The following CSMD1 variants were observed in gnomAD, a reference collection of about 807,000 sequenced individuals.
CSMD1 encodes the protein CUB and Sushi multiple domains 1.
A neutral mutation model predicts 417.5 loss-of-function variants in CSMD1; 213 were observed. The ratio of observed to expected loss-of-function variants is 0.51; its 90% CI spans 0.46 to 0.57. The LOEUF is 0.57. Among genes scored for constraint, CSMD1 ranks in the 20% least tolerant of loss-of-function variants. CSMD1 has a pLI of 0.00. For missense variants in CSMD1, 6,923 were observed against 4,529.7 expected (o/e 1.53, Z -15.17); for synonymous variants, 2,862 against 1,736.8 (o/e 1.65, Z -16.11).
At chr8:3,426,462 G>C (rs1485393541) in intron 12 of CSMD1, among the ~76,000 whole-genome samples, 1 of 152,052 alleles carries the variant, frequency 6.6e-6, no homozygotes, top group East Asian at 1.9e-4. Context: ...ATCAATTAAT[G>C]GAAAAGGAAG....
chr8:3,148,328 A>C (rs73183551), intron 40 of CSMD1, among the ~76,000 whole-genome samples: 10,316 of 152,304 alleles, frequency 0.068, 471 homozygotes, highest in Non-Finnish European at 0.093. Flanking sequence ...GTGTGATCTG[A>C]TATTTTCTTA....
intron 3 of CSMD1, among the ~76,000 whole-genome samples, chr8:4,048,526 C>A (rs559884527): frequency 6.6e-6 from 1 of 152,268 alleles, no homozygotes; most frequent in South Asian, 2.1e-4. Context: ...GAACATCCCT[C>A]AGGTTTATAA....
chr8:3,485,556 G>C (rs1346480513), intron 11 of CSMD1, among the ~76,000 whole-genome samples: 1 of 151,022 alleles, frequency 6.6e-6, no homozygotes, highest in South Asian at 2.1e-4. Flanking sequence ...GAGAGAGAGA[G>C]AGAGAGAGGG....
intron 5 of CSMD1, among the ~76,000 whole-genome samples, chr8:3,890,538 C>A (rs942310314): frequency 4.6e-5 from 7 of 151,970 alleles, no homozygotes; most frequent in African/African-American, 1.7e-4. Flanking sequence ...CAAAATAACT[C>A]TATCTCTCAA....
At chr8:3,767,565 G>C (rs538289333) in intron 5 of CSMD1, among the ~76,000 whole-genome samples, 2 of 152,280 alleles carry the variant, frequency 1.3e-5, no homozygotes, top group Non-Finnish European at 2.9e-5. Flanking sequence ...GCTGATTGCT[G>C]ACCTTATCCA....
At position 3,223,802 on chromosome 8, in the gene CSMD1, A is replaced by G. The variant is rs1798341779; in HGVS notation, c.4411T>C (p.Tyr1471His). 1 of 1,613,816 alleles carries G rather than the reference A, an allele frequency of 6.2e-7. No individual in the cohort carries two copies. The highest frequency in any genetic ancestry group is 1.7e-5 in the Admixed American group (1 of 59,986). Residue 1471 changes from tyrosine (Y) to histidine (H), a missense_variant, in exon 28 of 70, where the codon TAT (tyrosine) becomes CAT (histidine). Transcript: ENST00000635120. ...VILSPNYPQP[Y>H]PPGKECDWRV... ...CAGTCACATTCCTTCCCAGGAGGAT[A>G]CGGCTGTGGGTAGTTGGGTGACAAA... is the stretch of plus-strand genomic sequence containing the variant.
Position 3,188,066 on chromosome 8 carries a change from ATATATATATACATATGTATATG to A in CSMD1, c.5524-123_5524-102del, listed in dbSNP as rs1398078970. On this transcript the variant is annotated intron_variant, in intron 35 of 69. Transcript: ENST00000635120. ...TTTTTCATGATTAAGGTGTATATGTATATATATATACATATGTATATGTATATATATATACATATACACCTTA... is the reference window on the plus strand; with the variant it reads ...TTTTTCATGATTAAGGTGTATATGTATATATATATATACATATACACCTTA... 169 of 465,686 alleles carry A rather than the reference ATATATATATACATATGTATATG, an allele frequency of 3.6e-4. 1 individual carries two copies. Among genetic ancestry groups the A allele is most frequent in the African/African-American group, 3.4e-3 (155 of 44,946 alleles). The allele number at this position is 465,686 out of a possible 1,614,324, so 28.8% of individuals were successfully genotyped here.
chr8:4,687,032 T>C (rs891673172), intron 1 of CSMD1, among the ~76,000 whole-genome samples: 2 of 152,150 alleles, frequency 1.3e-5, no homozygotes, highest in African/African-American at 2.4e-5. Context: ...GCGAACTCCA[T>C]GCACCCATGG....
In CSMD1 at chr8:4,018,455, C is replaced by T. The variant is rs545295271; in HGVS notation, c.610+13450G>A. 2.6e-5 allele frequency among the ~76,000 whole-genome samples: 4 copies of T among 152,264 alleles called. No homozygotes were observed. The South Asian group carries it at 8.3e-4, about 32-fold the overall frequency. On this transcript the variant is annotated intron_variant, in intron 4 of 69. Transcript: ENST00000635120. ...CTCTGAGTAGCTGCAGGTCTGTCAACACAGCTGTACCTACTTTGCACAAGG... is the reference window on the plus strand; with the variant it reads ...CTCTGAGTAGCTGCAGGTCTGTCAATACAGCTGTACCTACTTTGCACAAGG...
intron 3 of CSMD1, among the ~76,000 whole-genome samples, chr8:4,337,659 T>A (rs1800248019): frequency 6.6e-6 from 1 of 152,182 alleles, no homozygotes; most frequent in African/African-American, 2.4e-5. Flanking sequence ...TACAGCAGAT[T>A]ATTCTCACAG....
chr8:4,499,291 G>A (rs967154378), intron 2 of CSMD1, among the ~76,000 whole-genome samples: 16 of 152,276 alleles, frequency 1.1e-4, no homozygotes, highest in East Asian at 3.9e-4. Flanking sequence ...GGTAAAAGAC[G>A]TCATGAAAAA....
intron 2 of CSMD1, among the ~76,000 whole-genome samples, chr8:4,599,116 G>A (rs1198792681): frequency 6.6e-6 from 1 of 152,118 alleles, no homozygotes; most frequent in Admixed American, 6.6e-5. Context: ...GTGTTAGAAC[G>A]TGCCTTCCAG....
chr8:4,277,681 C>T (rs576902252), intron 3 of CSMD1, among the ~76,000 whole-genome samples: 4 of 152,220 alleles, frequency 2.6e-5, no homozygotes, highest in South Asian at 2.1e-4. Context: ...TAAACACAAG[C>T]GACAGAATTT....
At chr8:4,353,729 G>C (rs1284134331) in intron 3 of CSMD1, among the ~76,000 whole-genome samples, 1 of 148,712 alleles carries the variant, frequency 6.7e-6, no homozygotes, top group Non-Finnish European at 1.5e-5. Flanking sequence ...CACAGTTTTT[G>C]TTGGGGTTCA....
intron 3 of CSMD1, among the ~76,000 whole-genome samples, chr8:4,224,635 A>C (rs1389706616): frequency 6.6e-6 from 1 of 152,226 alleles, no homozygotes; most frequent in Non-Finnish European, 1.5e-5. Flanking sequence ...ATTTTCATCC[A>C]TAGTGAAGAG....
intron 3 of CSMD1, among the ~76,000 whole-genome samples, chr8:4,194,679 G>C (rs935870184): frequency 1.3e-5 from 2 of 152,038 alleles, no homozygotes; most frequent in African/African-American, 4.8e-5. Context: ...ATGGGGAAAA[G>C]GATCATACAA....
chr8:4,589,881 C>A (rs1799898135), intron 2 of CSMD1, among the ~76,000 whole-genome samples: 1 of 152,134 alleles, frequency 6.6e-6, no homozygotes, highest in Non-Finnish European at 1.5e-5. Context: ...GAGCCTGATG[C>A]CACTGAGACC....
intron 3 of CSMD1, among the ~76,000 whole-genome samples, chr8:4,273,324 C>G (rs1009012403): frequency 6.6e-6 from 1 of 152,062 alleles, no homozygotes; most frequent in Non-Finnish European, 1.5e-5. Flanking sequence ...TGTCAAAAGT[C>G]ATGAAAGTGC....
chr8:3,954,953 C>T (rs575016480), intron 5 of CSMD1, among the ~76,000 whole-genome samples: 1 of 152,310 alleles, frequency 6.6e-6, no homozygotes, highest in South Asian at 2.1e-4. Flanking sequence ...GTTGTTTCTC[C>T]CTGGGGTCTG....
Sources: allele counts gnomAD v4.1 joint callset (sites outside exome capture counted in the v4.1 genomes callset), GRCh38; gene constraint gnomAD v4.1.1; transcripts MANE v1.5; gene names NCBI Gene and HGNC (gene_info 2026-07-23, HGNC 2026-07-21).